PTPRM: variants seen among roughly 807,000 people sequenced by gnomAD.
The protein encoded by PTPRM is receptor-type tyrosine-protein phosphatase mu.
A neutral mutation model predicts 186.7 loss-of-function variants in PTPRM; 47 were observed. That is an observed-to-expected ratio of 0.25 (90% CI 0.20 to 0.32). The LOEUF (loss-of-function observed/expected upper bound fraction) is 0.32. PTPRM is among the 10% of genes least tolerant of loss of function. The probability of loss-of-function intolerance (pLI) is 1.00; values close to 1 mark genes in which losing one functional copy is unlikely to be tolerated. For synonymous variants in PTPRM, 668 were observed against 674.9 expected, an observed-to-expected ratio of 0.99 and a Z score of 0.16; for missense variants, 1,494 against 1,865.0, an observed-to-expected ratio of 0.80 and a Z score of 3.66.
intron 7 of PTPRM, among the ~76,000 whole-genome samples, chr18:8,063,271 C>A (rs138745938): frequency 4.6e-5 from 7 of 150,998 alleles, no homozygotes; most frequent in Admixed American, 4.6e-4. Context: ...AACTCCCTGA[C>A]CCCTTGCGCT....
chr18:8,378,562 T>A, intron 27 of PTPRM, 148 bp downstream of exon 27: 3 of 946,830 alleles, frequency 3.2e-6, no homozygotes, highest in Non-Finnish European at 4.5e-6. Flanking sequence ...CCCAGAGCTC[T>A]ACCCAGGAGA....
intron 5 of PTPRM, among the ~76,000 whole-genome samples, chr18:7,931,739 A>G (rs1009348621): frequency 2.0e-5 from 3 of 152,362 alleles, no homozygotes; most frequent in South Asian, 2.1e-4. Context: ...CTGATGTTGT[A>G]TATTTTTTAT....
intron 10 of PTPRM, among the ~76,000 whole-genome samples, chr18:8,087,375 C>T (rs139588068): frequency 2.3e-3 from 349 of 152,044 alleles, no homozygotes; most frequent in African/African-American, 8.2e-3. Flanking sequence ...AAGACATACC[C>T]GAGACTGGGT....
At chr18:7,841,584 A>G (rs559382168) in intron 2 of PTPRM, among the ~76,000 whole-genome samples, 460 of 152,090 alleles carry the variant, frequency 3.0e-3, no homozygotes, top group Non-Finnish European at 4.6e-3. Flanking sequence ...GTGAGCCACC[A>G]CGCCTGGCCC....
chr18:7,730,081 T>C (rs564408438), intron 1 of PTPRM, among the ~76,000 whole-genome samples: 99 of 152,292 alleles, frequency 6.5e-4, no homozygotes, highest in African/African-American at 2.4e-3. Context: ...ATTTGGCACT[T>C]AAGTAATAAA....
At chr18:7,836,210 T>G (rs879558298) in intron 2 of PTPRM, among the ~76,000 whole-genome samples, 1 of 152,154 alleles carries the variant, frequency 6.6e-6, no homozygotes, top group Non-Finnish European at 1.5e-5. Flanking sequence ...AAGTTGATTT[T>G]CTGTGGTGAT....
At chr18:7,609,257 T>C (rs945617904) in intron 1 of PTPRM, among the ~76,000 whole-genome samples, 2 of 152,188 alleles carry the variant, frequency 1.3e-5, no homozygotes, top group African/African-American at 4.8e-5. Flanking sequence ...CCTCCTGGTC[T>C]GTCTTTGCAT....
At chr18:7,877,196 G>A (rs9965159) in intron 2 of PTPRM, among the ~76,000 whole-genome samples, 4,174 of 152,132 alleles carry the variant, frequency 0.027, 190 homozygotes, top group African/African-American at 0.096. Flanking sequence ...TTAAATATAT[G>A]TATTTATAAT....
intron 13 of PTPRM, among the ~76,000 whole-genome samples, chr18:8,137,756 A>G (rs1053524825): frequency 2.6e-5 from 4 of 152,016 alleles, no homozygotes; most frequent in Admixed American, 2.6e-4. Context: ...GTTCTGGCTT[A>G]TGAGGCACTC....
chr18:8,266,994 G>A (rs1195741155), intron 19 of PTPRM, among the ~76,000 whole-genome samples: 2 of 152,000 alleles, frequency 1.3e-5, no homozygotes. Context: ...TTCTATTATC[G>A]CCCTTTAGGG....
At chr18:7,587,620 T>G (rs965254550) in intron 1 of PTPRM, among the ~76,000 whole-genome samples, 2 of 152,108 alleles carry the variant, frequency 1.3e-5, no homozygotes, top group African/African-American at 2.4e-5. Flanking sequence ...CACCTGTTGT[T>G]TTTTAACTTA....
intron 3 of PTPRM, among the ~76,000 whole-genome samples, chr18:7,890,616 A>T (rs2049024320): frequency 6.6e-6 from 1 of 152,186 alleles, no homozygotes; most frequent in South Asian, 2.1e-4. Context: ...AGTAAGTTTT[A>T]AAATTGTTAA....
chr18:8,253,405 G>A lies in PTPRM; in HGVS notation c.2745G>A (p.Glu915=). Residue 915 remains glutamate, a synonymous_variant, in exon 19 of 33, where the codon GAG becomes GAA. Coordinates refer to ENST00000580170, the MANE Select transcript of PTPRM (RefSeq NM_001105244.2). ...GTGCGGAGGGCTACGGCTTCAAGGA[G>A]GAATACGAGGTGAGCACAAGCTCTG... is the stretch of plus-strand genomic sequence containing the variant. ...MKCAEGYGFK[E]EYESFFEGQS... The A allele has an allele frequency of 6.6e-7, 1 of 1,511,914 alleles. No homozygotes were observed. The highest frequency in any genetic ancestry group is 8.9e-7 in the Non-Finnish European group (1 of 1,128,134). 93.7% of individuals were successfully genotyped at this position (1,511,914 alleles called of 1,614,324 possible). A position where few individuals can be genotyped will look rare whatever the true frequency, so the allele number is the denominator to read the frequency against.
intron 1 of PTPRM, among the ~76,000 whole-genome samples, chr18:7,689,817 T>C (rs995991336): frequency 6.6e-6 from 1 of 152,226 alleles, no homozygotes; most frequent in Non-Finnish European, 1.5e-5. Context: ...TTAAAAATAA[T>C]ATTCTTAATT....
At chr18:8,338,300 G>GA (rs1598356551) in intron 22 of PTPRM, among the ~76,000 whole-genome samples, 1 of 149,184 alleles carries the variant, frequency 6.7e-6, no homozygotes, top group East Asian at 1.9e-4. Context: ...TATATATATG[G>GA]AAAAAAATTA....
chr18:7,582,878 G>A (rs762105443), intron 1 of PTPRM, among the ~76,000 whole-genome samples: 3 of 152,190 alleles, frequency 2.0e-5, no homozygotes, highest in Non-Finnish European at 4.4e-5. Context: ...GTCCCTGGGT[G>A]AGTTCTGAAG....
At position 7,854,831 on chromosome 18, in the gene PTPRM, G is replaced by A. The variant is rs147280390; in HGVS notation, c.197-33275G>A. Among the ~76,000 whole-genome samples, 1,187 of 151,084 alleles carry A rather than the reference G, an allele frequency of 7.9e-3. 7 individuals are homozygous for A. The highest frequency in any genetic ancestry group is 0.027 in the African/African-American group (1,132 of 41,196). On this transcript the variant is annotated intron_variant, in intron 2 of 32. Transcript: ENST00000580170. The stretch of plus-strand genomic sequence containing the variant: ...AAATGCATTGTTATATAAAGGGTAT[G>A]GAAGAGAAGCTTCACTGCTTATTGC...
chr18:7,836,124 C>T (rs950846578), intron 2 of PTPRM, among the ~76,000 whole-genome samples: 4 of 152,130 alleles, frequency 2.6e-5, no homozygotes, highest in South Asian at 2.1e-4. Flanking sequence ...GGACTTACTC[C>T]TGCCATTTTG....
intron 1 of PTPRM, among the ~76,000 whole-genome samples, chr18:7,592,556 C>G (rs2037154742): frequency 6.6e-6 from 1 of 152,194 alleles, no homozygotes; most frequent in South Asian, 2.1e-4. Context: ...GACGCTACCC[C>G]CAGTTATGTG....
Sources: allele counts gnomAD v4.1 joint callset (sites outside exome capture counted in the v4.1 genomes callset), GRCh38; gene constraint gnomAD v4.1.1; transcripts MANE v1.5; gene names NCBI Gene and HGNC (gene_info 2026-07-23, HGNC 2026-07-21).